ADCY7: variants seen among roughly 807,000 people sequenced by gnomAD.
ADCY7 encodes the protein adenylate cyclase type 7.
A neutral mutation model predicts 120.6 loss-of-function variants in ADCY7; 72 were observed. That is an observed-to-expected ratio of 0.60 (90% CI 0.49 to 0.73). The LOEUF (loss-of-function observed/expected upper bound fraction) is 0.73, where lower values mean the gene tolerates loss of function less well. Ranked by LOEUF, ADCY7 falls within the 30% of genes least tolerant of loss-of-function variation. ADCY7 has a pLI of 0.00. For synonymous variants in ADCY7, 661 were observed against 628.0 expected, an observed-to-expected ratio of 1.05 and a Z score of -0.78; for missense variants, 1,227 against 1,486.0, an observed-to-expected ratio of 0.83 and a Z score of 2.87.
upstream of ADCY7, among the ~76,000 whole-genome samples, chr16:50,245,662 A>C (rs1469619087): frequency 1.3e-5 from 2 of 151,972 alleles, no homozygotes; most frequent in Non-Finnish European, 2.9e-5. Flanking sequence ...GTGAGACGTA[A>C]GGCGGGACCA....
upstream of ADCY7, among the ~76,000 whole-genome samples, chr16:50,263,061 A>G (rs2033101728): frequency 6.6e-6 from 1 of 152,190 alleles, no homozygotes; most frequent in East Asian, 1.9e-4. Flanking sequence ...GAAGTCAGGT[A>G]GATCTGAGCT....
At chr16:50,257,241 C>G (rs1369821521) in intron 1 of ADCY7, among the ~76,000 whole-genome samples, 1 of 148,558 alleles carries the variant, frequency 6.7e-6, no homozygotes, top group Non-Finnish European at 1.5e-5. Context: ...AGACCACCAC[C>G]AACAAAAAAA....
At chr16:50,257,626 C>T (rs1161160624) in intron 1 of ADCY7, among the ~76,000 whole-genome samples, 1 of 151,984 alleles carries the variant, frequency 6.6e-6, no homozygotes, top group Non-Finnish European at 1.5e-5. Context: ...TTTTACCACA[C>T]ATATTGCTAA....
At position 50,277,921 on chromosome 16, in the gene ADCY7, C is replaced by T. The variant is rs551743705; in HGVS notation, c.-268-9991C>T. On this transcript the variant is annotated intron_variant, in intron 1 of 25. Transcript: ENST00000673801. ...TCCTGACCTCATGATCCGCCCACCT[C>T]GGCCTCCCAAAGTGCTGGGATTACA... 8.5e-5 allele frequency among the ~76,000 whole-genome samples: 13 copies of T among 152,160 alleles called. No homozygotes were observed. The South Asian group carries it at 1.7e-3, about 19-fold the overall frequency.
At chr16:50,302,800 G>A (rs910074078) in intron 10 of ADCY7, among the ~76,000 whole-genome samples, 6 of 152,118 alleles carry the variant, frequency 3.9e-5, no homozygotes, top group East Asian at 3.9e-4. Context: ...CCATGGTCGC[G>A]CACCCTGCAT....
intron 18 of ADCY7, 36 bp from the exon 19 acceptor site, chr16:50,310,651 G>A: frequency 6.2e-7 from 1 of 1,608,806 alleles, no homozygotes; most frequent in African/African-American, 1.3e-5. Flanking sequence ...TACGTGGTGG[G>A]GTGGCCCTGT....
At position 50,310,789 on chromosome 16, in the gene ADCY7, T is replaced by C. The variant is rs768161153; in HGVS notation, c.2263T>C (p.Tyr755His). 1.2e-6 allele frequency: 2 copies of C among 1,614,182 alleles called. No individual in the cohort carries two copies. Among genetic ancestry groups the C allele is most frequent in the South Asian group, 2.2e-5 (2 of 91,088 alleles). Residue 755 changes from tyrosine to histidine, a missense_variant, in exon 19 of 26, where the codon TAC (tyrosine) becomes CAC (histidine). Physicochemically the swap from Tyr to His is moderately conservative, Grantham distance 83. Coordinates refer to ENST00000673801, the MANE Select transcript of ADCY7 (RefSeq NM_001114.5). ...VVLLTVALVA[Y>H]LVLFNLSPCW... is the part of the protein sequence containing the mutation. ...GCTGCTGACAGTGGCCCTGGTGGCC[T>C]ACCTGGTGCTCTTCAACCTCTCCCC...
chr16:50,295,048 A>G (rs2035256516), intron 7 of ADCY7, among the ~76,000 whole-genome samples: 1 of 152,170 alleles, frequency 6.6e-6, no homozygotes, highest in Non-Finnish European at 1.5e-5. Flanking sequence ...AGATGGCTCC[A>G]TCCTCACTGG....
At position 50,305,192 on chromosome 16, in the gene ADCY7, G is replaced by A. The variant is rs542443989; in HGVS notation, c.1595+233G>A. 3.5e-4 allele frequency among the ~76,000 whole-genome samples: 53 copies of A among 152,362 alleles called. No individual in the cohort carries two copies. The Middle Eastern group carries it at 0.01, about 29-fold the overall frequency. The stretch of plus-strand genomic sequence containing the variant: ...TGTATGGTGCCCTGGCGGGGTCAGT[G>A]GAGTCGGTGGAAGGGAAGGAGATGA... On this transcript the variant is annotated intron_variant, in intron 12 of 25. Coordinates refer to ENST00000673801, the MANE Select transcript of ADCY7 (RefSeq NM_001114.5).
rs774394102 is a variant in ADCY7 at position 50,311,774 on chromosome 16, A to G, written c.2436A>G (p.Thr812=). 1 of 1,485,970 alleles carries G rather than the reference A, an allele frequency of 6.7e-7. No individual in the cohort carries two copies. Among genetic ancestry groups the G allele is most frequent in the Non-Finnish European group, 9.0e-7 (1 of 1,105,940 alleles). The allele number at this position is 1,485,970 out of a possible 1,614,324, so 92.0% of individuals were successfully genotyped here. A position where few individuals can be genotyped will look rare whatever the true frequency, so the allele number is the denominator to read the frequency against. The change falls in exon 20 of 26, where the codon ACA becomes ACG. Residue 812 remains threonine, a synonymous_variant. Coordinates refer to ENST00000673801, the MANE Select transcript of ADCY7 (RefSeq NM_001114.5). ...TCCTGTTCTACATCACCCTGCTTACACTCTCCAGACAGGTAAGGAGGCTGG... is the reference window on the plus strand; with the variant it reads ...TCCTGTTCTACATCACCCTGCTTACGCTCTCCAGACAGGTAAGGAGGCTGG... The part of the protein sequence containing the change: ...YLVLFYITLL[T]LSRQIDYYCR...
chr16:50,298,529 G>A (rs76076641), intron 7 of ADCY7, among the ~76,000 whole-genome samples: 5 of 152,274 alleles, frequency 3.3e-5, no homozygotes, highest in African/African-American at 7.2e-5. Flanking sequence ...TCCTGCCTAC[G>A]TGCAAGCTCC....
chr16:50,288,239 G>T lies in ADCY7; in HGVS notation c.60G>T (p.Ala20=). ...GCGAGGAGGGCCCTGACCAAGATGC[G>T]CTCTACGAGAAGTACCAGCTCACCA... ...NEGEEGPDQD[A]LYEKYQLTSQ... Residue 20 remains alanine, a synonymous_variant, in exon 2 of 26, where the codon GCG becomes GCT. Coordinates refer to ENST00000673801, the MANE Select transcript of ADCY7 (RefSeq NM_001114.5). 6.4e-7 allele frequency: 1 copy of T among 1,551,438 alleles called. No individual in the cohort carries two copies. The highest frequency in any genetic ancestry group is 1.7e-4 in the Middle Eastern group (1 of 5,990).
intron 22 of ADCY7, chr16:50,313,553 A>G (rs2036606920): frequency 4.8e-6 from 1 of 207,502 alleles, no homozygotes; most frequent in Admixed American, 5.4e-5. Flanking sequence ...CTTCTCTGTG[A>G]TGGGCAGCTT....
chr16:50,255,333 T>C (rs1380913790), intron 1 of ADCY7, among the ~76,000 whole-genome samples: 1 of 131,456 alleles, frequency 7.6e-6, no homozygotes, highest in Non-Finnish European at 1.5e-5. Context: ...TTTATAGAGA[T>C]AGGGCCATCT....
chr16:50,299,084 T>G (rs991465783), intron 8 of ADCY7, 53 bp downstream of exon 8: 1 of 1,540,312 alleles, frequency 6.5e-7, no homozygotes, highest in African/African-American at 1.4e-5. Context: ...CGGACCCTCC[T>G]GGGCATGGTA....
intron 12 of ADCY7, among the ~76,000 whole-genome samples, chr16:50,305,295 C>T (rs944680387): frequency 2.6e-5 from 4 of 152,224 alleles, no homozygotes; most frequent in East Asian, 3.9e-4. Context: ...GGTCTGCCCT[C>T]TGCCTCTGGC....
intron 8 of ADCY7, 29 bp from the exon 9 acceptor site, chr16:50,300,686 G>T: frequency 3.2e-6 from 5 of 1,550,366 alleles, no homozygotes; most frequent in Non-Finnish European, 4.4e-6. Context: ...CTTAGGCAGG[G>T]CTGGGGTGAC....
At chr16:50,287,582 AGGT>A (rs1179151702) in intron 1 of ADCY7, among the ~76,000 whole-genome samples, 1 of 149,302 alleles carries the variant, frequency 6.7e-6, no homozygotes, top group African/African-American at 2.5e-5. Flanking sequence ...TAGGAGGCTG[AGGT>A]GGGAGAATCA....
At position 50,315,693 on chromosome 16, in the gene ADCY7, A is replaced by G; in HGVS notation, c.*188A>G. On this transcript the variant is annotated 3_prime_UTR_variant, in exon 26 of 26. Coordinates refer to ENST00000673801, the MANE Select transcript of ADCY7 (RefSeq NM_001114.5). The stretch of plus-strand genomic sequence containing the variant: ...AGATTCTGGCTCGAAGCAGCCACTG[A>G]GCCATAATGCGCAGGGGAGGCCAGA... 1 of 687,226 alleles carries G rather than the reference A, an allele frequency of 1.5e-6. No homozygotes were observed. The highest frequency in any genetic ancestry group is 2.4e-6 in the Non-Finnish European group (1 of 425,042). 42.6% of individuals were successfully genotyped at this position (687,226 alleles called of 1,614,324 possible).
Sources: allele counts gnomAD v4.1 joint callset (sites outside exome capture counted in the v4.1 genomes callset), GRCh38; gene constraint gnomAD v4.1.1; transcripts MANE v1.5; gene names NCBI Gene and HGNC (gene_info 2026-07-23, HGNC 2026-07-21).